GPC5: variants seen among roughly 807,000 people sequenced by gnomAD.
GPC5 encodes glypican-5.
In GPC5, 47 loss-of-function variants were observed where a neutral mutation model predicts 53.9. The ratio of observed to expected loss-of-function variants is 0.87; its 90% CI spans 0.69 to 1.11. The LOEUF (loss-of-function observed/expected upper bound fraction) is 1.11. Among genes scored for constraint, GPC5 ranks in the 50% most tolerant of loss-of-function variants. The pLI, the probability that GPC5 is intolerant of heterozygous loss-of-function variation, is 0.00. For missense variants in GPC5, 748 were observed against 713.1 expected, an observed-to-expected ratio of 1.05 and a Z score of -0.56; for synonymous variants, 286 against 263.3, an observed-to-expected ratio of 1.09 and a Z score of -0.84.
chr13:92,427,777 A>G (rs1346485043), intron 7 of GPC5, among the ~76,000 whole-genome samples: 2 of 152,180 alleles, frequency 1.3e-5, no homozygotes, highest in African/African-American at 4.8e-5. Flanking sequence ...TTTGTAAAAT[A>G]AATCCAAAGA....
rs868585607 is a variant in GPC5 at position 92,360,225 on chromosome 13, A to G, written c.1561+215236A>G. Among the ~76,000 whole-genome samples, 5 of 151,676 alleles carry G rather than the reference A, an allele frequency of 3.3e-5. No individual in the cohort carries two copies. The South Asian group carries it at 6.2e-4, about 19-fold the overall frequency. The stretch of plus-strand genomic sequence containing the variant: ...CTAGCATTTTAAAATCCTTAACAAA[A>G]TACTTGAAAACCCAAACTGAATCTA... On this transcript the variant is annotated intron_variant, in intron 7 of 7. Transcript: ENST00000377067.
At chr13:91,483,895 C>T (rs747679088) in intron 2 of GPC5, among the ~76,000 whole-genome samples, 15 of 152,064 alleles carry the variant, frequency 9.9e-5, no homozygotes, top group East Asian at 7.7e-4. Context: ...CACTTAAAGT[C>T]GCAGTTTCCA....
chr13:92,667,495 A>G (rs1213268879), intron 7 of GPC5, among the ~76,000 whole-genome samples: 3 of 152,150 alleles, frequency 2.0e-5, no homozygotes, highest in African/African-American at 7.2e-5. Flanking sequence ...GGAGTAAAAG[A>G]TTGAGAGATT....
chr13:91,678,228 G>A (rs2035427799), intron 2 of GPC5, among the ~76,000 whole-genome samples: 2 of 152,098 alleles, frequency 1.3e-5, no homozygotes, highest in African/African-American at 4.8e-5. Context: ...ATGACACTTG[G>A]CAATACGATC....
chr13:91,765,403 C>G (rs539069304), intron 5 of GPC5, among the ~76,000 whole-genome samples: 1 of 152,206 alleles, frequency 6.6e-6, no homozygotes, highest in Non-Finnish European at 1.5e-5. Context: ...ATGTCTAGCA[C>G]CTCACTGAAA....
At chr13:92,232,012 C>G (rs2139102114) in intron 7 of GPC5, among the ~76,000 whole-genome samples, 1 of 152,172 alleles carries the variant, frequency 6.6e-6, no homozygotes, top group African/African-American at 2.4e-5. Flanking sequence ...TTCCCTGTGA[C>G]TAAAGTTGTG....
At chr13:91,509,248 T>G (rs1885106710) in intron 2 of GPC5, among the ~76,000 whole-genome samples, 1 of 151,366 alleles carries the variant, frequency 6.6e-6, no homozygotes. Flanking sequence ...ATATAAAGGA[T>G]GCAATCCTCA....
chr13:91,571,776 C>CACACATATACGTGTGTGTGTGTAT (rs1566515126), intron 2 of GPC5, among the ~76,000 whole-genome samples: 1 of 82,108 alleles, frequency 1.2e-5, no homozygotes, highest in South Asian at 3.6e-4. Flanking sequence ...TGTGTATATA[C>CACACATATACGTGTGTGTGTGTAT]ACACACATAT....
intron 7 of GPC5, among the ~76,000 whole-genome samples, chr13:92,468,358 C>A (rs567600967): frequency 2.4e-4 from 37 of 152,212 alleles, no homozygotes; most frequent in African/African-American, 8.4e-4. Context: ...TGTCTCACTC[C>A]AGAAGAGTGT....
intron 2 of GPC5, among the ~76,000 whole-genome samples, chr13:91,473,073 T>A (rs1174042860): frequency 1.3e-5 from 2 of 152,082 alleles, no homozygotes; most frequent in African/African-American, 2.4e-5. Context: ...AGCAGGCATG[T>A]CTTGCATGGT....
chr13:91,498,238 GA>G (rs1194899147), intron 2 of GPC5, among the ~76,000 whole-genome samples: 6 of 85,128 alleles, frequency 7.0e-5, no homozygotes, highest in South Asian at 4.8e-4. Flanking sequence ...TCTACCCAAA[GA>G]TTTTTTTTTT....
intron 7 of GPC5, among the ~76,000 whole-genome samples, chr13:92,310,952 A>C (rs2043141315): frequency 6.6e-6 from 1 of 152,190 alleles, no homozygotes; most frequent in African/African-American, 2.4e-5. Context: ...AGTTGAATGT[A>C]TCATATCATT....
intron 7 of GPC5, among the ~76,000 whole-genome samples, chr13:92,215,789 G>A (rs35616509): frequency 0.12 from 17,519 of 152,110 alleles, 1,031 homozygotes; most frequent in East Asian, 0.16. Flanking sequence ...TAAGGATAGT[G>A]GCACCACGTA....
intron 5 of GPC5, among the ~76,000 whole-genome samples, chr13:91,840,164 T>C (rs978810125): frequency 1.4e-4 from 21 of 151,702 alleles, no homozygotes; most frequent in Non-Finnish European, 3.1e-4. Flanking sequence ...AAAAAAAAAT[T>C]TTCTACTTTT....
chr13:92,197,264 C>T (rs908473510), intron 7 of GPC5, among the ~76,000 whole-genome samples: 2 of 152,086 alleles, frequency 1.3e-5, no homozygotes, highest in African/African-American at 4.8e-5. Context: ...TTACAGACTT[C>T]ATATAGAGGG....
intron 6 of GPC5, among the ~76,000 whole-genome samples, chr13:91,970,399 T>C (rs2040230318): frequency 6.6e-6 from 1 of 152,082 alleles, no homozygotes; most frequent in African/African-American, 2.4e-5. Context: ...CAATGCTGTA[T>C]TGTATGCTTT....
At chr13:91,770,990 A>C (rs2037614381) in intron 5 of GPC5, among the ~76,000 whole-genome samples, 1 of 152,166 alleles carries the variant, frequency 6.6e-6, no homozygotes, top group Non-Finnish European at 1.5e-5. Context: ...GGAAAATATA[A>C]ATCTTCTTTG....
At chr13:92,507,999 C>G (rs948265605) in intron 7 of GPC5, among the ~76,000 whole-genome samples, 1 of 152,064 alleles carries the variant, frequency 6.6e-6, no homozygotes, top group Non-Finnish European at 1.5e-5. Context: ...GAGTCTCACT[C>G]TGTTGCCAGG....
At chr13:91,687,956 C>A (rs2035657894) in intron 2 of GPC5, among the ~76,000 whole-genome samples, 2 of 151,974 alleles carry the variant, frequency 1.3e-5, no homozygotes. Context: ...CAGCACCTTA[C>A]CTATCTTGGA....
Sources: gnomAD v4.1 joint callset for allele counts (sites outside exome capture counted in the v4.1 genomes callset) on GRCh38, gnomAD v4.1.1 for gene constraint, MANE v1.5 for transcripts, NCBI Gene and HGNC (gene_info 2026-07-23, HGNC 2026-07-21) for gene names.